Variants in CBLL1 observed in about 807,000 individuals in gnomAD.
The protein encoded by CBLL1 is E3 ubiquitin-protein ligase Hakai.
A neutral mutation model predicts 44.9 loss-of-function variants in CBLL1; 4 were observed. The observed-to-expected ratio is 0.09, with a 90% CI of 0.04 to 0.20. The LOEUF is 0.20. Ranked by LOEUF, CBLL1 falls within the 10% of genes least tolerant of loss-of-function variation. The pLI, the probability that CBLL1 is intolerant of heterozygous loss-of-function variation, is 1.00. For missense variants in CBLL1, 569 were observed against 636.7 expected (o/e 0.89, Z 1.14); for synonymous variants, 235 against 202.2 (o/e 1.16, Z -1.38).
At chr7:107,750,494 C>A (rs576881865) in intron 2 of CBLL1, among the ~76,000 whole-genome samples, 2 of 151,948 alleles carry the variant, frequency 1.3e-5, no homozygotes, top group Non-Finnish European at 2.9e-5. Context: ...TTAGTGGAGA[C>A]GGGGTTTCAC....
rs1793607951 is a variant in CBLL1 at position 107,758,054 on chromosome 7, C to CA, written c.441-86dup. 1 of 1,224,984 alleles carries CA rather than the reference C, an allele frequency of 8.2e-7. No homozygotes were observed. The highest frequency in any genetic ancestry group is 1.5e-5 in the African/African-American group (1 of 65,086). 75.9% of individuals were successfully genotyped at this position (1,224,984 alleles called of 1,614,324 possible). Reference sequence around the variant, plus strand: ...CTTTTGCTATGTTTTATGTAACAGTCAAATTTTAAAAACAAGCATATTTTT... The same window carrying CA: ...CTTTTGCTATGTTTTATGTAACAGTCAAAATTTTAAAAACAAGCATATTTTT... On this transcript the variant is annotated intron_variant, in intron 5 of 5. Coordinates refer to ENST00000440859, the MANE Select transcript of CBLL1 (RefSeq NM_024814.4). This position sits in a 1 kb window ranked among gnomAD's most constrained non-coding sequence, Gnocchi z 4.2.
chr7:107,744,194 G>C lies in CBLL1; in HGVS notation c.13+18G>C, dbSNP rs564766694. The stretch of plus-strand genomic sequence containing the variant: ...TCACACTGGTAAGGAGGCGGAGGCA[G>C]TGGGGGTCCCGGTTCCAAGCCCCCT... On this transcript the variant is annotated intron_variant, in intron 1 of 5. Coordinates refer to ENST00000440859, the MANE Select transcript of CBLL1 (RefSeq NM_024814.4). 5.2e-6 allele frequency: 8 copies of C among 1,546,888 alleles called. No individual in the cohort carries two copies. The South Asian group carries it at 9.6e-5, about 19-fold the overall frequency.
At chr7:107,751,660 A>G (rs193079069) in intron 2 of CBLL1, among the ~76,000 whole-genome samples, 46 of 152,304 alleles carry the variant, frequency 3.0e-4, no homozygotes, top group African/African-American at 1.0e-3. Context: ...ATAGTTTTTT[A>G]AAACAACACG....
Position 107,759,258 on chromosome 7 carries a change from A to G in CBLL1, c.*80A>G. On this transcript the variant is annotated 3_prime_UTR_variant, in exon 6 of 6. Coordinates refer to ENST00000440859, the MANE Select transcript of CBLL1 (RefSeq NM_024814.4). ...TCTTTTAAGCTTTGACTGTTTTGGG[A>G]AGGAAGAGTACCTCTTATCGAGGTA... 1 of 1,254,634 alleles carries G rather than the reference A, an allele frequency of 8.0e-7. No homozygotes were observed. The highest frequency in any genetic ancestry group is 1.1e-6 in the Non-Finnish European group (1 of 905,836). The allele number at this position is 1,254,634 out of a possible 1,614,324, so 77.7% of individuals were successfully genotyped here.
intron 4 of CBLL1, among the ~76,000 whole-genome samples, chr7:107,754,648 T>G (rs572463442): frequency 6.6e-6 from 1 of 152,296 alleles, no homozygotes; most frequent in South Asian, 2.1e-4. Flanking sequence ...CTAACATCAT[T>G]TAATGTATCC....
chr7:107,761,657 C>T lies in CBLL1; in HGVS notation c.*2479C>T, dbSNP rs1231527902. 6.6e-6 allele frequency: 1 copy of T among 152,076 alleles called. No homozygotes were observed. Among genetic ancestry groups the T allele is most frequent in the Non-Finnish European group, 1.5e-5 (1 of 67,856 alleles). The allele number at this position is 152,076 out of a possible 1,614,324, so 9.4% of individuals were successfully genotyped here. Reference sequence around the variant, plus strand: ...ATTCTTAAAAACAATAAAATGGAAGCATAAATACTATTTTGCCTAGATGAA... The same window carrying T: ...ATTCTTAAAAACAATAAAATGGAAGTATAAATACTATTTTGCCTAGATGAA... On this transcript the variant is annotated 3_prime_UTR_variant, in exon 6 of 6. Coordinates refer to ENST00000440859, the MANE Select transcript of CBLL1 (RefSeq NM_024814.4).
chr7:107,745,431 A>G (rs1351774659), intron 1 of CBLL1, among the ~76,000 whole-genome samples: 3 of 152,200 alleles, frequency 2.0e-5, no homozygotes, highest in African/African-American at 4.8e-5. Context: ...GCAGCCTCCT[A>G]ATAGCCAGAG....
chr7:107,752,686 G>A (rs1241475665), intron 2 of CBLL1: 1 of 808,340 alleles, frequency 1.2e-6, no homozygotes, highest in African/African-American at 1.8e-5. Context: ...TAGGAGTTGA[G>A]AAGATTGCCA....
chr7:107,753,481 A>G lies in CBLL1; in HGVS notation c.252A>G (p.Arg84=), dbSNP rs1322558250. ...GTGAGCTGTTTGCAAATCAGCGAAG[A>G]TTTCCTGGACACCTTTTTTGGGACT... ...KGGELFANQR[R]FPGHLFWDFQ... The change falls in exon 3 of 6, where the codon AGA becomes AGG. Residue 84 remains arginine (R), a synonymous_variant. Coordinates refer to ENST00000440859, the MANE Select transcript of CBLL1 (RefSeq NM_024814.4). The G allele has an allele frequency of 6.3e-7, 1 of 1,589,508 alleles. No individual in the cohort carries two copies. Among genetic ancestry groups the G allele is most frequent in the East Asian group, 2.3e-5 (1 of 43,508 alleles).
At chr7:107,756,919 T>C (rs546516257) in intron 5 of CBLL1, among the ~76,000 whole-genome samples, 1 of 152,170 alleles carries the variant, frequency 6.6e-6, no homozygotes, top group African/African-American at 2.4e-5. Flanking sequence ...AAACAGTATA[T>C]ATTACTGTTC....
chr7:107,749,032 C>T lies in CBLL1; in HGVS notation c.166C>T (p.Pro56Ser), dbSNP rs750032497. The part of the protein sequence containing the change: ...RTINRMPAKA[P>S]PGDEEGFDYN... ...TATAAACAGGATGCCTGCAAAGGCTCCACCTGGTGATGAAGGTAATTTGTT... is the reference window on the plus strand; with the variant it reads ...TATAAACAGGATGCCTGCAAAGGCTTCACCTGGTGATGAAGGTAATTTGTT... The change falls in exon 2 of 6, where the codon CCA becomes TCA. Residue 56 changes from proline to serine, a missense_variant. By Grantham distance (74) the Pro-to-Ser change is moderately conservative. Transcript: ENST00000440859. 5 of 1,613,814 alleles carry T rather than the reference C, an allele frequency of 3.1e-6. No individual in the cohort carries two copies. Among genetic ancestry groups the T allele is most frequent in the Admixed American group, 1.7e-5 (1 of 59,970 alleles).
At position 107,758,131 on chromosome 7, in the gene CBLL1, C is replaced by T. The variant is rs764206849; in HGVS notation, c.441-12C>T. On this transcript the variant is annotated splice_polypyrimidine_tract_variant and intron_variant, in intron 5 of 5. Coordinates refer to ENST00000440859, the MANE Select transcript of CBLL1 (RefSeq NM_024814.4). This position sits in a 1 kb window ranked among gnomAD's most constrained non-coding sequence, Gnocchi z 4.2. ...CTTTTAGTAAATCACATTTCTTTCC[C>T]TTCTAATTTAGCTGTAGTGATCCTG... is the stretch of plus-strand genomic sequence containing the variant. 17 of 1,547,838 alleles carry T rather than the reference C, an allele frequency of 1.1e-5. No homozygotes were observed. The highest frequency in any genetic ancestry group is 1.5e-5 in the Non-Finnish European group (17 of 1,145,844).
chr7:107,752,746 A>G, intron 2 of CBLL1: 1 of 331,468 alleles, frequency 3.0e-6, no homozygotes, highest in South Asian at 2.7e-5. Context: ...ATCTTCATAT[A>G]TCTTAAGTTT....
rs377657349 is a variant in CBLL1 at position 107,755,471 on chromosome 7, G to A, written c.420G>A (p.Lys140=). The change falls in exon 5 of 6, where the codon AAG becomes AAA. Residue 140 remains lysine, a synonymous_variant. Transcript: ENST00000440859. ...ACTGTGCTATTTTACATGAAAAAAAGGGAGATAAGATGTGTCCAGGGTAAG... is the reference window on the plus strand; with the variant it reads ...ACTGTGCTATTTTACATGAAAAAAAAGGAGATAAGATGTGTCCAGGGTAAG... ...CYDCAILHEK[K]GDKMCPGCSD... The A allele has an allele frequency of 2.6e-5, 41 of 1,584,504 alleles. No homozygotes were observed. The African/African-American group carries it at 4.8e-4, about 18-fold the overall frequency.
At chr7:107,746,787 C>T (rs1412860618) in intron 1 of CBLL1, among the ~76,000 whole-genome samples, 1 of 152,214 alleles carries the variant, frequency 6.6e-6, no homozygotes, top group Admixed American at 6.5e-5. Context: ...AGAAAAATTA[C>T]TCCAAGGGGC....
In CBLL1 at chr7:107,758,827, A is replaced by G; in HGVS notation, c.1125A>G (p.Pro375=). ...PHLVYSQAPP[P]PMTSAPPPIT... is the part of the protein sequence containing the mutation. Reference sequence around the variant, plus strand: ...TGGTATATAGCCAAGCTCCACCTCCACCAATGACCTCTGCTCCACCACCAA... The same window carrying G: ...TGGTATATAGCCAAGCTCCACCTCCGCCAATGACCTCTGCTCCACCACCAA... The change falls in exon 6 of 6, where the codon CCA becomes CCG. Residue 375 remains proline, a synonymous_variant. Coordinates refer to ENST00000440859, the MANE Select transcript of CBLL1 (RefSeq NM_024814.4). This position sits in a 1 kb window ranked among gnomAD's most constrained non-coding sequence, Gnocchi z 4.2. The G allele has an allele frequency of 6.2e-7, 1 of 1,613,584 alleles. No individual in the cohort carries two copies. Among genetic ancestry groups the G allele is most frequent in the South Asian group, 1.1e-5 (1 of 91,014 alleles).
chr7:107,749,149 C>A, intron 2 of CBLL1, 102 bp downstream of exon 2: 1 of 955,132 alleles, frequency 1.0e-6, no homozygotes, highest in African/African-American at 1.7e-5. Flanking sequence ...CTTACATATT[C>A]TATTCATTCT....
At chr7:107,757,726 A>G (rs184329224) in intron 5 of CBLL1, among the ~76,000 whole-genome samples, 19 of 152,270 alleles carry the variant, frequency 1.2e-4, no homozygotes, top group African/African-American at 4.1e-4. Flanking sequence ...ACTTAGTATT[A>G]TTTGCTCAAC....
chr7:107,746,771 C>A (rs946406178), intron 1 of CBLL1, among the ~76,000 whole-genome samples: 2 of 152,196 alleles, frequency 1.3e-5, no homozygotes, highest in Non-Finnish European at 2.9e-5. Flanking sequence ...CTAATAGAAT[C>A]TTGCCAGAAA....
Sources: allele counts gnomAD v4.1 joint callset (sites outside exome capture counted in the v4.1 genomes callset), GRCh38; gene constraint gnomAD v4.1.1; non-coding constraint Gnocchi (gnomAD v3.1); transcripts MANE v1.5; gene names NCBI Gene and HGNC (gene_info 2026-07-23, HGNC 2026-07-21).